Variants in EPHB1 observed in about 807,000 individuals in gnomAD.
EPHB1 encodes EPH receptor B1, also known as ephrin type-B receptor 1.
A neutral mutation model predicts 94.4 loss-of-function variants in EPHB1; 30 were observed. That is an observed-to-expected ratio of 0.32 (90% confidence interval 0.24 to 0.43). EPHB1 has a LOEUF of 0.43. Among genes scored for constraint, EPHB1 ranks in the 20% least tolerant of loss-of-function variants. EPHB1 has a pLI of 1.00. For synonymous variants in EPHB1, 522 were observed against 489.1 expected (o/e 1.07, Z -0.89); for missense variants, 1,055 against 1,308.3 (o/e 0.81, Z 2.99).
At chr3:134,875,025 G>T (rs868237485) in intron 1 of EPHB1, among the ~76,000 whole-genome samples, 15 of 152,136 alleles carry the variant, frequency 9.9e-5, no homozygotes, top group African/African-American at 3.1e-4. Flanking sequence ...AGTGCGTAAG[G>T]CTTTTGCATC....
rs182755776 is a variant in EPHB1, at chr3:135,083,032, C to A, written c.806-23416C>A. On this transcript the variant is annotated intron_variant, in intron 3 of 15. Coordinates refer to ENST00000398015, the MANE Select transcript of EPHB1 (RefSeq NM_004441.5). ...CGTGGATGGGAACTCCTCAGGCAGC[C>A]AGGCAGAGGAAGCCAGAAAGCCATG... is the stretch of plus-strand genomic sequence containing the variant. 4.7e-4 allele frequency among the ~76,000 whole-genome samples: 72 copies of A among 152,256 alleles called. 3 individuals carry two copies. The East Asian group carries it at 0.013, about 27-fold the overall frequency.
chr3:135,092,580 C>T (rs1358694535), intron 3 of EPHB1, among the ~76,000 whole-genome samples: 2 of 152,090 alleles, frequency 1.3e-5, no homozygotes, highest in Non-Finnish European at 2.9e-5. Context: ...AGGGCACAGC[C>T]CTGACTCTGG....
At chr3:135,107,437 A>T (rs1046709307) in intron 4 of EPHB1, among the ~76,000 whole-genome samples, 12 of 152,220 alleles carry the variant, frequency 7.9e-5, no homozygotes, top group Non-Finnish European at 1.2e-4. Context: ...TCCTCTGAGC[A>T]TTGTAGCCCT....
intron 3 of EPHB1, among the ~76,000 whole-genome samples, chr3:135,080,857 G>C (rs968620101): frequency 6.6e-6 from 1 of 152,192 alleles, no homozygotes; most frequent in African/African-American, 2.4e-5. Context: ...TGCCCACCCA[G>C]AGCAAGTCCT....
At chr3:134,944,648 G>A (rs2039182274) in intron 2 of EPHB1, among the ~76,000 whole-genome samples, 1 of 152,172 alleles carries the variant, frequency 6.6e-6, no homozygotes, top group Non-Finnish European at 1.5e-5. Context: ...ATTCTGAGAA[G>A]GCTACTGTAT....
At chr3:134,962,148 T>C (rs1465608275) in intron 3 of EPHB1, among the ~76,000 whole-genome samples, 1 of 152,208 alleles carries the variant, frequency 6.6e-6, no homozygotes, top group African/African-American at 2.4e-5. Context: ...GATAATAAAA[T>C]ATCAATCATT....
chr3:135,139,368 T>A (rs1194839957), intron 5 of EPHB1, among the ~76,000 whole-genome samples: 1 of 152,234 alleles, frequency 6.6e-6, no homozygotes, highest in African/African-American at 2.4e-5. Flanking sequence ...TTGGGCATTT[T>A]AACTTTGGAA....
At chr3:135,130,670 A>G (rs1434579471) in intron 4 of EPHB1, among the ~76,000 whole-genome samples, 1 of 152,136 alleles carries the variant, frequency 6.6e-6, no homozygotes, top group Non-Finnish European at 1.5e-5. Flanking sequence ...TCAATGGGTG[A>G]GAGGGATGGA....
At chr3:134,802,943 A>T (rs1277598900) in intron 1 of EPHB1, among the ~76,000 whole-genome samples, 1 of 152,126 alleles carries the variant, frequency 6.6e-6, no homozygotes, top group African/African-American at 2.4e-5. Context: ...TTGAGGTTTC[A>T]AGATGATCTG....
At chr3:134,968,464 G>A (rs1933846741) in intron 3 of EPHB1, among the ~76,000 whole-genome samples, 1 of 152,156 alleles carries the variant, frequency 6.6e-6, no homozygotes, top group African/African-American at 2.4e-5. Context: ...TGAAGATAGT[G>A]GAAACCATCC....
At chr3:135,039,944 C>T (rs1181070548) in intron 3 of EPHB1, among the ~76,000 whole-genome samples, 7 of 152,184 alleles carry the variant, frequency 4.6e-5, no homozygotes, top group African/African-American at 1.4e-4. Context: ...CGAGAGCAAG[C>T]GAGGGCTCTG....
chr3:135,160,102 A>G (rs1022362007), intron 6 of EPHB1, among the ~76,000 whole-genome samples: 1 of 152,142 alleles, frequency 6.6e-6, no homozygotes, highest in Non-Finnish European at 1.5e-5. Flanking sequence ...CACTGCTGTC[A>G]TCTTCTATTT....
intron 12 of EPHB1, among the ~76,000 whole-genome samples, chr3:135,215,308 C>T (rs1230587681): frequency 6.6e-6 from 1 of 152,100 alleles, no homozygotes; most frequent in African/African-American, 2.4e-5. Flanking sequence ...GGATTACAGG[C>T]ATGCGCCTCC....
At chr3:135,069,358 G>A (rs1208108047) in intron 3 of EPHB1, among the ~76,000 whole-genome samples, 1 of 152,070 alleles carries the variant, frequency 6.6e-6, no homozygotes, top group Admixed American at 6.5e-5. Flanking sequence ...AGTGCTCTCT[G>A]CTACTCTTCT....
At chr3:135,243,169 A>G (rs1943835625) in intron 13 of EPHB1, among the ~76,000 whole-genome samples, 1 of 152,094 alleles carries the variant, frequency 6.6e-6, no homozygotes, top group African/African-American at 2.4e-5. Context: ...ACAATTCAGC[A>G]CTTACAGAAT....
chr3:134,814,691 C>T (rs527716559), intron 1 of EPHB1, among the ~76,000 whole-genome samples: 1 of 152,320 alleles, frequency 6.6e-6, no homozygotes, highest in East Asian at 1.9e-4. Flanking sequence ...CTTCCTGGCT[C>T]TAGAAAGCCC....
intron 10 of EPHB1, among the ~76,000 whole-genome samples, chr3:135,181,269 C>T (rs771136409): frequency 5.3e-5 from 8 of 152,180 alleles, no homozygotes; most frequent in Admixed American, 3.3e-4. Context: ...CACCTGCTCC[C>T]GCCAACCCCT....
intron 1 of EPHB1, among the ~76,000 whole-genome samples, chr3:134,837,849 C>T (rs920766641): frequency 2.5e-4 from 38 of 152,270 alleles, no homozygotes; most frequent in African/African-American, 8.4e-4. Flanking sequence ...TGAGTGGCCT[C>T]ATTCATGCAA....
At chr3:134,805,566 T>C (rs2036027407) in intron 1 of EPHB1, among the ~76,000 whole-genome samples, 1 of 152,082 alleles carries the variant, frequency 6.6e-6, no homozygotes. Flanking sequence ...AGCACTTCCT[T>C]TCCCAGCTCC....
Sources: allele counts gnomAD v4.1 joint callset (sites outside exome capture counted in the v4.1 genomes callset), GRCh38; gene constraint gnomAD v4.1.1; transcripts MANE v1.5; gene names NCBI Gene and HGNC (gene_info 2026-07-23, HGNC 2026-07-21).